Variants in STK3 observed in about 807,000 individuals in gnomAD.
STK3 encodes serine/threonine kinase 3, also known as serine/threonine-protein kinase 3.
A neutral mutation model predicts 58.0 loss-of-function variants in STK3; 41 were observed. The observed-to-expected ratio is 0.71, with a 90% CI of 0.55 to 0.92. The LOEUF (loss-of-function observed/expected upper bound fraction) is 0.92. STK3 is among the 40% of genes least tolerant of loss of function. The probability of loss-of-function intolerance (pLI) is 0.00; values close to 1 mark genes in which losing one functional copy is unlikely to be tolerated. For missense variants in STK3, 479 were observed against 602.7 expected, an observed-to-expected ratio of 0.79 and a Z score of 2.15; for synonymous variants, 170 against 191.0, an observed-to-expected ratio of 0.89 and a Z score of 0.91.
chr8:98,726,843 A>AT (rs1827828306), intron 4 of STK3, among the ~76,000 whole-genome samples: 1 of 152,196 alleles, frequency 6.6e-6, no homozygotes, highest in African/African-American at 2.4e-5. Context: ...CCTTACTGTG[A>AT]CAGAAGGAAA....
intron 6 of STK3, among the ~76,000 whole-genome samples, chr8:98,685,118 C>G (rs1379337579): frequency 6.6e-6 from 1 of 152,100 alleles, no homozygotes; most frequent in Non-Finnish European, 1.5e-5. Flanking sequence ...TTCTCCCACA[C>G]AAATACAGAG....
At chr8:98,492,115 A>G (rs543141090) in intron 10 of STK3, among the ~76,000 whole-genome samples, 2 of 152,310 alleles carry the variant, frequency 1.3e-5, no homozygotes, top group East Asian at 3.9e-4. Context: ...TTATTATTAA[A>G]TTTTCATAAA....
intron 3 of STK3, among the ~76,000 whole-genome samples, chr8:98,871,152 G>A (rs1587780115): frequency 6.6e-6 from 1 of 152,158 alleles, no homozygotes; most frequent in African/African-American, 2.4e-5. Flanking sequence ...TCAGATGGTT[G>A]TAGATGTGTG....
rs1297305221 is a variant in STK3 at position 98,800,753 on chromosome 8, A to T, written c.26+24762T>A. ...CCGGGCCAGCAGCTGCGGAAGGGGCACCGGGTACCCCAGCACTGCCGGCCC... is the reference window on the plus strand; with the variant it reads ...CCGGGCCAGCAGCTGCGGAAGGGGCTCCGGGTACCCCAGCACTGCCGGCCC... On this transcript the variant is annotated intron_variant, in intron 1 of 10. Coordinates refer to ENST00000419617, the MANE Select transcript of STK3 (RefSeq NM_006281.4). This position sits in a 1 kb window ranked among gnomAD's most constrained non-coding sequence, Gnocchi z 4.8. Among the ~76,000 whole-genome samples the T allele has an allele frequency of 6.6e-6, 1 of 152,160 alleles. No homozygotes were observed. Among genetic ancestry groups the T allele is most frequent in the Non-Finnish European group, 1.5e-5 (1 of 68,010 alleles).
At chr8:98,874,793 CTT>C (rs80347476) in intron 3 of STK3, among the ~76,000 whole-genome samples, 2 of 143,510 alleles carry the variant, frequency 1.4e-5, no homozygotes, top group African/African-American at 5.1e-5. Context: ...CATCCTGCTA[CTT>C]TTTTTTTTTT....
At chr8:98,378,487 A>G (rs1817698201) in intron 2 of STK3, among the ~76,000 whole-genome samples, 1 of 152,202 alleles carries the variant, frequency 6.6e-6, no homozygotes, top group Admixed American at 6.5e-5. Context: ...TGACTTGGGC[A>G]AATTATTTAC....
intron 3 of STK3, among the ~76,000 whole-genome samples, chr8:98,858,319 TATATAGAGAGAG>T (rs1314816645): frequency 5.0e-5 from 2 of 39,946 alleles, no homozygotes; most frequent in East Asian, 1.8e-3. Flanking sequence ...TATATATATA[TATATAGAGAGAG>T]AGAGAGAGAG....
chr8:98,813,880 T>G (rs1834375884), intron 1 of STK3, among the ~76,000 whole-genome samples: 1 of 152,086 alleles, frequency 6.6e-6, no homozygotes, highest in African/African-American at 2.4e-5. Flanking sequence ...TTAAAATAAA[T>G]TTGAAAATTC....
chr8:98,614,449 G>A (rs1396970476), intron 6 of STK3, among the ~76,000 whole-genome samples: 1 of 152,202 alleles, frequency 6.6e-6, no homozygotes, highest in Non-Finnish European at 1.5e-5. Flanking sequence ...CTCGATCGGG[G>A]GAGGAGCCAA....
chr8:98,740,828 G>C (rs1209616992), intron 4 of STK3, among the ~76,000 whole-genome samples: 2 of 152,140 alleles, frequency 1.3e-5, no homozygotes, highest in Non-Finnish European at 2.9e-5. Flanking sequence ...AGACCCATCA[G>C]TGTGCTGTAT....
At chr8:98,449,814 G>A (rs760367684), downstream of STK3, among the ~76,000 whole-genome samples, 10 of 152,104 alleles carry the variant, frequency 6.6e-5, no homozygotes, top group East Asian at 5.8e-4. Context: ...TTAGTTCTCC[G>A]GAAATGGATT....
chr8:98,897,597 A>C (rs1838504564), intron 1 of STK3, among the ~76,000 whole-genome samples: 1 of 151,960 alleles, frequency 6.6e-6, no homozygotes, highest in Non-Finnish European at 1.5e-5. Context: ...TCCGTCTCAA[A>C]AACAAACAAA....
At chr8:98,509,330 A>T (rs1031333608) in intron 10 of STK3, among the ~76,000 whole-genome samples, 1 of 152,030 alleles carries the variant, frequency 6.6e-6, no homozygotes. Context: ...GCTCATAATT[A>T]TAAATAGATG....
intron 4 of STK3, among the ~76,000 whole-genome samples, chr8:98,728,907 C>T (rs941069294): frequency 3.9e-5 from 6 of 151,964 alleles, no homozygotes; most frequent in African/African-American, 9.7e-5. Context: ...TTGATATGCC[C>T]TTACCAAGAA....
chr8:98,423,270 G>A (rs1586555515), intron 3 of STK3, among the ~76,000 whole-genome samples: 4 of 152,348 alleles, frequency 2.6e-5, no homozygotes, highest in Non-Finnish European at 4.4e-5. Flanking sequence ...GTTTAGACTG[G>A]GGAGTCAGGC....
chr8:98,610,309 A>C lies in STK3; in HGVS notation c.685-14140T>G, dbSNP rs142584407. On this transcript the variant is annotated intron_variant, in intron 6 of 10. Transcript: ENST00000419617. ...AAGATTAGGGAAATAAATTAATACT[A>C]GTCATTAGCAGTTTTTGTATCATCT... Among the ~76,000 whole-genome samples the C allele has an allele frequency of 2.6e-3, 402 of 152,362 alleles. 3 individuals are homozygous for C. The highest frequency in any genetic ancestry group is 9.4e-3 in the African/African-American group (390 of 41,596).
chr8:98,675,678 C>A (rs950283721), intron 6 of STK3, among the ~76,000 whole-genome samples: 3 of 151,822 alleles, frequency 2.0e-5, no homozygotes, highest in Non-Finnish European at 4.4e-5. Flanking sequence ...CTGGCCAACA[C>A]GGTGAAACCC....
At chr8:98,469,109 A>T (rs1820710762) in intron 10 of STK3, among the ~76,000 whole-genome samples, 1 of 70,824 alleles carries the variant, frequency 1.4e-5, no homozygotes. Context: ...CTCCATCTTT[A>T]AAAAAAAAAA....
At chr8:98,656,798 G>T (rs1156864550) in intron 6 of STK3, among the ~76,000 whole-genome samples, 1 of 151,908 alleles carries the variant, frequency 6.6e-6, no homozygotes, top group Non-Finnish European at 1.5e-5. Flanking sequence ...ATCTTTCAAG[G>T]CCTCAATTCT....
Sources: gnomAD v4.1 joint callset for allele counts (sites outside exome capture counted in the v4.1 genomes callset) on GRCh38, gnomAD v4.1.1 for gene constraint, Gnocchi (gnomAD v3.1) non-coding constraint, MANE v1.5 for transcripts, NCBI Gene and HGNC (gene_info 2026-07-23, HGNC 2026-07-21) for gene names.